Variants in AGBL4 observed in about 807,000 individuals in gnomAD.
AGBL4 encodes cytosolic carboxypeptidase 6.
AGBL4 carries 58 observed loss-of-function variants against 66.4 expected under a neutral mutation model. That is an observed-to-expected ratio of 0.87 (90% CI 0.71 to 1.09). AGBL4 has a LOEUF of 1.09. AGBL4 is among the 50% of genes least tolerant of loss of function. AGBL4 has a pLI of 0.00. For missense variants in AGBL4, 579 were observed against 631.0 expected (o/e 0.92, Z 0.88); for synonymous variants, 234 against 222.9 (o/e 1.05, Z -0.44).
chr1:48,797,514 C>A (rs1387537336), intron 6 of AGBL4, among the ~76,000 whole-genome samples: 1 of 152,194 alleles, frequency 6.6e-6, no homozygotes. Flanking sequence ...GAATAATGGT[C>A]TCCAGCTCCA....
intron 2 of AGBL4, among the ~76,000 whole-genome samples, chr1:49,835,333 CTT>C (rs1248295776): frequency 2.6e-5 from 4 of 152,128 alleles, no homozygotes; most frequent in African/African-American, 9.7e-5. Context: ...TATTACCCTT[CTT>C]TGTCTTTTTT....
chr1:49,860,882 TA>T (rs999073943), intron 1 of AGBL4, among the ~76,000 whole-genome samples: 23 of 152,040 alleles, frequency 1.5e-4, no homozygotes, highest in African/African-American at 4.8e-4. Context: ...TTTAACTTCA[TA>T]TCACTGAAAG....
At chr1:49,343,724 C>G (rs1262443029) in intron 3 of AGBL4, among the ~76,000 whole-genome samples, 1 of 152,188 alleles carries the variant, frequency 6.6e-6, no homozygotes, top group Non-Finnish European at 1.5e-5. Flanking sequence ...ACCAAATCTA[C>G]TTCTGTCTGT....
rs1459808963 is a variant in AGBL4, at chr1:49,287,379, C to A, written c.283-41515G>T. On this transcript the variant is annotated intron_variant, in intron 3 of 13. Coordinates refer to ENST00000371839, the MANE Select transcript of AGBL4 (RefSeq NM_032785.4). ...TTGACAAATGGGATCTAATTAAACT[C>A]AAGAGCTTCTGCACAGCAAAAGAAA... 7.8e-4 allele frequency among the ~76,000 whole-genome samples: 115 copies of A among 147,258 alleles called. 1 individual carries two copies. The South Asian group carries it at 8.3e-3, about 11-fold the overall frequency.
At chr1:49,478,237 G>T (rs1646884301) in intron 3 of AGBL4, among the ~76,000 whole-genome samples, 1 of 151,690 alleles carries the variant, frequency 6.6e-6, no homozygotes, top group South Asian at 2.1e-4. Context: ...AAGCAGGTTT[G>T]ACCAATAGAA....
chr1:49,557,539 C>G (rs1643934055), intron 3 of AGBL4, among the ~76,000 whole-genome samples: 1 of 152,054 alleles, frequency 6.6e-6, no homozygotes, highest in South Asian at 2.1e-4. Flanking sequence ...GAAAGGAAAA[C>G]TGGACCAAAC....
chr1:49,229,401 C>A (rs886403497), intron 4 of AGBL4, among the ~76,000 whole-genome samples: 4 of 152,170 alleles, frequency 2.6e-5, no homozygotes, highest in Non-Finnish European at 5.9e-5. Flanking sequence ...AGAACTAATA[C>A]AAGTCATTTA....
At chr1:48,867,125 A>G (rs1648175705) in intron 6 of AGBL4, 66 bp downstream of exon 6, 6 of 1,547,274 alleles carry the variant, frequency 3.9e-6, no homozygotes, top group East Asian at 2.3e-5. Context: ...TTGCATTTGG[A>G]TAGGCAACAA....
At chr1:48,631,340 G>A (rs1645589283) in intron 9 of AGBL4, among the ~76,000 whole-genome samples, 1 of 152,166 alleles carries the variant, frequency 6.6e-6, no homozygotes, top group African/African-American at 2.4e-5. Flanking sequence ...TCCAGGTAAT[G>A]GTTGTTGAGG....
intron 6 of AGBL4, among the ~76,000 whole-genome samples, chr1:48,857,491 G>A (rs1442185728): frequency 6.6e-6 from 1 of 152,186 alleles, no homozygotes; most frequent in Admixed American, 6.5e-5. Context: ...GGAGGCTGAG[G>A]CAGGCAGATC....
chr1:48,624,527 G>A (rs1645467439), intron 9 of AGBL4, among the ~76,000 whole-genome samples: 1 of 152,170 alleles, frequency 6.6e-6, no homozygotes, highest in East Asian at 1.9e-4. Context: ...TTAACCAGGG[G>A]GTTTACCCAG....
intron 3 of AGBL4, among the ~76,000 whole-genome samples, chr1:49,260,456 TA>T (rs1202452862): frequency 1.3e-5 from 2 of 151,542 alleles, no homozygotes; most frequent in East Asian, 3.9e-4. Flanking sequence ...ATAGACGCAA[TA>T]AAAAATGATA....
chr1:49,509,634 G>A (rs1271348087), intron 3 of AGBL4, among the ~76,000 whole-genome samples: 1 of 151,892 alleles, frequency 6.6e-6, no homozygotes, highest in Admixed American at 6.6e-5. Context: ...AGGTTTCTAA[G>A]CAGGAATATG....
intron 1 of AGBL4, among the ~76,000 whole-genome samples, chr1:49,890,650 G>A (rs1335703718): frequency 6.6e-6 from 1 of 152,148 alleles, no homozygotes; most frequent in African/African-American, 2.4e-5. Context: ...ATTTAGATAA[G>A]GTCATGTGAC....
At chr1:48,693,681 G>C (rs1475529601) in intron 6 of AGBL4, among the ~76,000 whole-genome samples, 1 of 152,180 alleles carries the variant, frequency 6.6e-6, no homozygotes, top group Non-Finnish European at 1.5e-5. Context: ...CCAAAAGGAA[G>C]GATCCAAGAA....
chr1:49,747,881 A>G (rs1288211031), intron 2 of AGBL4, among the ~76,000 whole-genome samples: 1 of 152,124 alleles, frequency 6.6e-6, no homozygotes, highest in Admixed American at 6.6e-5. Flanking sequence ...AAAATGTTTA[A>G]TAACAAACTG....
At chr1:49,742,384 G>C (rs1650582536) in intron 2 of AGBL4, among the ~76,000 whole-genome samples, 1 of 152,088 alleles carries the variant, frequency 6.6e-6, no homozygotes, top group Non-Finnish European at 1.5e-5. Context: ...ACAAACCACT[G>C]CTCAACGAAA....
intron 3 of AGBL4, among the ~76,000 whole-genome samples, chr1:49,500,895 G>T (rs1237872651): frequency 6.6e-6 from 1 of 151,892 alleles, no homozygotes; most frequent in Non-Finnish European, 1.5e-5. Flanking sequence ...TTAGGATTCA[G>T]TTATCTAGTT....
intron 4 of AGBL4, among the ~76,000 whole-genome samples, chr1:49,241,085 G>T (rs1359537665): frequency 6.6e-6 from 1 of 151,854 alleles, no homozygotes; most frequent in Non-Finnish European, 1.5e-5. Context: ...TATCACTACT[G>T]TTACCAACCC....
Sources: allele counts gnomAD v4.1 joint callset (sites outside exome capture counted in the v4.1 genomes callset), GRCh38; gene constraint gnomAD v4.1.1; transcripts MANE v1.5; gene names NCBI Gene and HGNC (gene_info 2026-07-23, HGNC 2026-07-21).